Variants in ZNF619 observed in about 807,000 individuals in gnomAD.
ZNF619 encodes zinc finger protein 619.
Under a neutral mutation model 14.2 loss-of-function variants are expected in ZNF619, and 9 were observed. The ratio of observed to expected loss-of-function variants is 0.64; its 90% CI spans 0.38 to 1.11. The LOEUF is 1.11. ZNF619 is among the 50% of genes least tolerant of loss of function. The pLI is 0.01. For missense variants in ZNF619, 659 were observed against 680.1 expected (o/e 0.97, Z 0.34); for synonymous variants, 246 against 252.8 (o/e 0.97, Z 0.26).
intron 4 of ZNF619, chr3:40,483,606 A>G (rs1195735981): frequency 4.5e-6 from 2 of 445,972 alleles, no homozygotes; most frequent in African/African-American, 4.1e-5. Flanking sequence ...CTTGGTTTTT[A>G]AAAAATAGAT....
At chr3:40,479,944 C>T (rs566731761) in intron 2 of ZNF619, among the ~76,000 whole-genome samples, 3 of 152,326 alleles carry the variant, frequency 2.0e-5, no homozygotes, top group African/African-American at 4.8e-5. Flanking sequence ...TGTGCTGCCC[C>T]TGTAACCCAC....
chr3:40,482,400 ATTCTGTCCTC>A (rs1697436174), intron 3 of ZNF619, 178 bp from the exon 4 acceptor site: 1 of 1,594,982 alleles, frequency 6.3e-7, no homozygotes, highest in Non-Finnish European at 8.5e-7. Flanking sequence ...CTCTGGGAGC[ATTCTGTCCTC>A]TTAGAGGCCA....
chr3:40,487,047 C>T lies in ZNF619; in HGVS notation c.537C>T (p.Ala179=), dbSNP rs112816404. The T allele has an allele frequency of 1.2e-5, 20 of 1,614,132 alleles. No homozygotes were observed. In the African/African-American group the frequency reaches 1.9e-4, roughly 15 times the overall value. Residue 179 remains alanine, a synonymous_variant, in exon 5 of 5, where the codon GCC becomes GCT. Coordinates refer to ENST00000432264, the MANE Select transcript of ZNF619 (RefSeq NM_001145093.4). ...CCACCACTGAAAGGGAGGAGATAGC[C>T]AGGAAATTGGAAGAAAGTAGTGTCA... ...ESSTTEREEI[A]RKLEESSVST...
In ZNF619 at chr3:40,488,720, G is replaced by C. The variant is rs1559542465; in HGVS notation, c.*479G>C. On this transcript the variant is annotated 3_prime_UTR_variant, in exon 5 of 5. Coordinates refer to ENST00000432264, the MANE Select transcript of ZNF619 (RefSeq NM_001145093.4). ...CTTGTCACCCAGGCTGTTTGCAGTG[G>C]TGTGATCTTGGCTCACTGCAACCTC... 1.3e-5 allele frequency: 2 copies of C among 155,762 alleles called. No individual in the cohort carries two copies. Among genetic ancestry groups the C allele is most frequent in the East Asian group, 3.8e-4 (2 of 5,252 alleles). The allele number at this position is 155,762 out of a possible 1,614,324, so 9.6% of individuals were successfully genotyped here. A position where few individuals can be genotyped will look rare whatever the true frequency, so the allele number is the denominator to read the frequency against.
rs1697404111 is a variant in ZNF619, at chr3:40,481,842, TCTCC to T, written c.25-17_25-14del. 6.3e-7 allele frequency: 1 copy of T among 1,585,048 alleles called. No individual in the cohort carries two copies. Among genetic ancestry groups the T allele is most frequent in the African/African-American group, 1.4e-5 (1 of 73,578 alleles). The stretch of plus-strand genomic sequence containing the variant: ...TTATCCCTTTCCTGGAATTCAGGCC[TCTCC>T]CTCTGTTCTTGTGCAGGGCTTGGGC... On this transcript the variant is annotated splice_polypyrimidine_tract_variant and intron_variant, in intron 2 of 4. Coordinates refer to ENST00000432264, the MANE Select transcript of ZNF619 (RefSeq NM_001145093.4).
intron 4 of ZNF619, chr3:40,483,704 C>T (rs1426984294): frequency 6.8e-6 from 3 of 443,780 alleles, no homozygotes; most frequent in African/African-American, 6.1e-5. Flanking sequence ...TCTTCACTCA[C>T]CGCAACCTCT....
chr3:40,483,377 G>A (rs1431258920), intron 4 of ZNF619, among the ~76,000 whole-genome samples: 2 of 148,384 alleles, frequency 1.3e-5, no homozygotes, highest in Non-Finnish European at 3.0e-5. Flanking sequence ...CACAACCTCC[G>A]CCTCCTGGGT....
chr3:40,482,111 A>C lies in ZNF619; in HGVS notation c.178+95A>C, dbSNP rs1165609720. On this transcript the variant is annotated intron_variant, in intron 3 of 4. Coordinates refer to ENST00000432264, the MANE Select transcript of ZNF619 (RefSeq NM_001145093.4). ...CTAGGATCTCTTTAATACCATCAGA[A>C]TTGATGCCCTATGGGCTGAGCTCCC... The C allele has an allele frequency of 1.9e-6, 3 of 1,549,558 alleles. No homozygotes were observed. The Admixed American group carries it at 6.1e-5, about 32-fold the overall frequency.
rs1396826276 is a variant in ZNF619 at position 40,491,001 on chromosome 3, G to A, written c.*2760G>A. 6.6e-6 allele frequency among the ~76,000 whole-genome samples: 1 copy of A among 152,098 alleles called. No individual in the cohort carries two copies. Among genetic ancestry groups the A allele is most frequent in the Non-Finnish European group, 1.5e-5 (1 of 68,016 alleles). On this transcript the variant is annotated 3_prime_UTR_variant, in exon 5 of 5. Coordinates refer to ENST00000432264, the MANE Select transcript of ZNF619 (RefSeq NM_001145093.4). ...GAAGGCCAGATACGGCCCCTCCACA[G>A]TTCCCAGCCCTCGGAACCATGAGCT...
intron 3 of ZNF619, 104 bp from the exon 4 acceptor site, chr3:40,482,484 C>T (rs1056517482): frequency 3.1e-5 from 48 of 1,546,558 alleles, no homozygotes; most frequent in Non-Finnish European, 3.8e-5. Flanking sequence ...CACTTAGTCT[C>T]CTGGGCCATC....
At position 40,488,001 on chromosome 3, in the gene ZNF619, CT is replaced by C. The variant is rs1015105088; in HGVS notation, c.1492del (p.Cys498AlafsTer16). The C allele has an allele frequency of 3.7e-6, 6 of 1,614,052 alleles. No individual in the cohort carries two copies. Among genetic ancestry groups the C allele is most frequent in the Non-Finnish European group, 5.1e-6 (6 of 1,180,032 alleles). On this transcript the variant is annotated frameshift_variant, in exon 5 of 5. Transcript: ENST00000432264. LOFTEE classifies it low-confidence loss of function (END_TRUNC). ...GLSAVKPYCP[C>X]AILSPLPPQH... The stretch of plus-strand genomic sequence containing the variant: ...TATCCGCAGTTAAGCCCTACTGTCC[CT>C]GCGCCATCCTCTCTCCTCTGCCTCC...
In ZNF619 at chr3:40,487,065, T is replaced by C; in HGVS notation, c.555T>C (p.Ser185=). 1 of 1,614,122 alleles carries C rather than the reference T, an allele frequency of 6.2e-7. No homozygotes were observed. The highest frequency in any genetic ancestry group is 8.5e-7 in the Non-Finnish European group (1 of 1,180,040). ...AGATAGCCAGGAAATTGGAAGAAAG[T>C]AGTGTCAGCACACATCTCATTACAA... ...REEIARKLEE[S]SVSTHLITKQ... Residue 185 remains serine (S), a synonymous_variant, in exon 5 of 5, where the codon AGT becomes AGC. Transcript: ENST00000432264.
chr3:40,481,229 G>A (rs1697382463), intron 2 of ZNF619, among the ~76,000 whole-genome samples: 3 of 152,192 alleles, frequency 2.0e-5, no homozygotes, highest in Non-Finnish European at 2.9e-5. Flanking sequence ...ACATAATGAA[G>A]AGGACAGCAT....
intron 2 of ZNF619, 116 bp from the exon 3 acceptor site, chr3:40,481,747 G>A (rs1488501576): frequency 1.5e-6 from 2 of 1,375,160 alleles, no homozygotes; most frequent in Non-Finnish European, 2.0e-6. Flanking sequence ...TGCCCCTGCT[G>A]GGGTCCTGTG....
In ZNF619 at chr3:40,481,789, G is replaced by A. The variant is rs1697402004; in HGVS notation, c.25-74G>A. The stretch of plus-strand genomic sequence containing the variant: ...TCCTTGCCAGTACAAACCTTCCATG[G>A]GGCTCAGTGCCATGGATTCCAGTAA... On this transcript the variant is annotated intron_variant, in intron 2 of 4. Transcript: ENST00000432264. The A allele has an allele frequency of 2.0e-6, 3 of 1,529,266 alleles. No homozygotes were observed. The African/African-American group carries it at 4.2e-5, about 21-fold the overall frequency. 94.7% of individuals were successfully genotyped at this position (1,529,266 alleles called of 1,614,324 possible).
Position 40,487,780 on chromosome 3 carries a change from G to A in ZNF619, c.1270G>A (p.Gly424Arg), listed in dbSNP as rs200679198. ...CATAGTGCATCAGAGAATCCACAAT[G>A]GGGAGAAACCCTATGAATGCCAGGA... ...RFIVHQRIHN[G>R]EKPYECQECG... The change falls in exon 5 of 5, where the codon GGG becomes AGG. Residue 424 changes from glycine to arginine, a missense_variant. Coordinates refer to ENST00000432264, the MANE Select transcript of ZNF619 (RefSeq NM_001145093.4). 4.0e-5 allele frequency: 65 copies of A among 1,614,020 alleles called. No individual in the cohort carries two copies. Among genetic ancestry groups the A allele is most frequent in the Non-Finnish European group, 5.3e-5 (62 of 1,180,042 alleles).
At chr3:40,483,700 C>T (rs1697485241) in intron 4 of ZNF619, 1 of 446,468 alleles carries the variant, frequency 2.2e-6, no homozygotes, top group African/African-American at 2.0e-5. Flanking sequence ...GTGATCTTCA[C>T]TCACCGCAAC....
At chr3:40,478,334 A>G (rs954325048) in intron 2 of ZNF619, among the ~76,000 whole-genome samples, 1 of 152,164 alleles carries the variant, frequency 6.6e-6, no homozygotes, top group African/African-American at 2.4e-5. Flanking sequence ...CTAAATCAGA[A>G]TCTACATTTT....
intron 3 of ZNF619, chr3:40,482,378 A>AC (rs1419713610): frequency 1.3e-6 from 2 of 1,575,850 alleles, no homozygotes; most frequent in African/African-American, 1.4e-5. Context: ...TCGTGTACAC[A>AC]CCCCCCAGTG....
Sources: gnomAD v4.1 joint callset for allele counts (sites outside exome capture counted in the v4.1 genomes callset) on GRCh38, gnomAD v4.1.1 for gene constraint, MANE v1.5 for transcripts, NCBI Gene and HGNC (gene_info 2026-07-23, HGNC 2026-07-21) for gene names.